RUSC1: variants seen among roughly 807,000 people sequenced by gnomAD.
The protein encoded by RUSC1 is AP-4 complex accessory subunit RUSC1.
RUSC1 carries 40 observed loss-of-function variants against 72.1 expected under a neutral mutation model. That is an observed-to-expected ratio of 0.55 (90% CI 0.43 to 0.72). RUSC1 has a LOEUF of 0.72. Among genes scored for constraint, RUSC1 ranks in the 30% least tolerant of loss-of-function variants. The probability of loss-of-function intolerance (pLI) is 0.00; values close to 1 mark genes in which losing one functional copy is unlikely to be tolerated. For missense variants in RUSC1, 1,092 were observed against 1,172.3 expected (o/e 0.93, Z 1.00); for synonymous variants, 512 against 494.2 (o/e 1.04, Z -0.48).
intron 1 of RUSC1, 51 bp from the exon 2 acceptor site, chr1:155,321,637 C>G (rs1390355914): frequency 7.7e-7 from 1 of 1,301,024 alleles, no homozygotes; most frequent in Non-Finnish European, 1.1e-6. Context: ...CGGTGTCCTT[C>G]CCCGCAGCTC....
intron 2 of RUSC1, 183 bp from the exon 3 acceptor site, chr1:155,324,662 C>T: frequency 6.5e-7 from 1 of 1,530,410 alleles, no homozygotes. Flanking sequence ...GGGAAGTGTG[C>T]GAGATTTCAC....
rs776195100 is a variant in RUSC1, at chr1:155,322,161, G to A, written c.388G>A (p.Glu130Lys). ...CTACTTGCGGGACCTCCCTGGTGAT[G>A]AGGATGCCCACCCTCAGCCCAGTAT... Reference protein sequence around the residue: ...SVYLRDLPGDEDAHPQPSIIP... With the variant: ...SVYLRDLPGDKDAHPQPSIIP... The change falls in exon 2 of 10, where the codon GAG (glutamate) becomes AAG (lysine). Residue 130 changes from glutamate to lysine, a missense_variant. Physicochemically the swap from Glu to Lys is moderately conservative, Grantham distance 56. Transcript: ENST00000368352. The A allele has an allele frequency of 3.4e-5, 54 of 1,601,034 alleles. No individual in the cohort carries two copies. The highest frequency in any genetic ancestry group is 4.4e-5 in the Non-Finnish European group (51 of 1,171,654).
intron 2 of RUSC1, chr1:155,324,536 A>G (rs758288698): frequency 1.2e-5 from 19 of 1,593,896 alleles, no homozygotes; most frequent in Non-Finnish European, 1.4e-5. Flanking sequence ...CTAGCAGGGC[A>G]GGCGGGAGGT....
intron 3 of RUSC1, 50 bp downstream of exon 3, chr1:155,324,993 G>A (rs763020045): frequency 6.2e-7 from 1 of 1,613,770 alleles, no homozygotes; most frequent in Non-Finnish European, 8.5e-7. Context: ...ACTGCCCTTC[G>A]CCCCCGGCCC....
chr1:155,322,815 C>T lies in RUSC1; in HGVS notation c.1042C>T (p.Pro348Ser). Residue 348 changes from proline to serine, a missense_variant, in exon 2 of 10, where the codon CCC (proline) becomes TCC (serine). By Grantham distance (74) the Pro-to-Ser change is moderately conservative (BLOSUM62 -1). Transcript: ENST00000368352. ...CAGTGACTGGCTCATAGTCTTCTCG[C>T]CCGACACCGAGCTCCCCCCCTCGGG... The part of the protein sequence containing the change: ...DRSDWLIVFS[P>S]DTELPPSGSP... 4 of 1,613,886 alleles carry T rather than the reference C, an allele frequency of 2.5e-6. No homozygotes were observed. Among genetic ancestry groups the T allele is most frequent in the Non-Finnish European group, 3.4e-6 (4 of 1,179,952 alleles).
chr1:155,321,869 A>G lies in RUSC1; in HGVS notation c.96A>G (p.Leu32=), dbSNP rs1156439056. 3.7e-6 allele frequency: 6 copies of G among 1,613,480 alleles called. No homozygotes were observed. The highest frequency in any genetic ancestry group is 2.2e-5 in the East Asian group (1 of 44,892). The change falls in exon 2 of 10, where the codon CTA becomes CTG. Residue 32 remains leucine (L), a synonymous_variant. Coordinates refer to ENST00000368352, the MANE Select transcript of RUSC1 (RefSeq NM_001105203.2). The part of the protein sequence containing the change: ...LGLHLSRRPE[L]QEGPLSTPPP... Reference sequence around the variant, plus strand: ...TGCACTTGTCCCGCCGTCCTGAGCTACAGGAGGGGCCTTTGAGCACACCCC... The same window carrying G: ...TGCACTTGTCCCGCCGTCCTGAGCTGCAGGAGGGGCCTTTGAGCACACCCC...
At chr1:155,330,340 C>G in intron 9 of RUSC1, 63 bp from the exon 10 acceptor site, 1 of 1,568,904 alleles carries the variant, frequency 6.4e-7, no homozygotes, top group Non-Finnish European at 8.7e-7. Context: ...AGAGGTGACG[C>G]CTGGGGACGG....
At chr1:155,329,372 CACT>C (rs1325200163) in intron 9 of RUSC1, among the ~76,000 whole-genome samples, 2 of 149,680 alleles carry the variant, frequency 1.3e-5, no homozygotes, top group East Asian at 4.0e-4. Flanking sequence ...AGGTGGGAGC[CACT>C]ACACCTGGCT....
At position 155,321,880 on chromosome 1, in the gene RUSC1, CT is replaced by C; in HGVS notation, c.110del (p.Leu37Ter). 6.2e-7 allele frequency: 1 copy of C among 1,613,258 alleles called. No individual in the cohort carries two copies. On this transcript the variant is annotated frameshift_variant, in exon 2 of 10. Transcript: ENST00000368352. LOFTEE classifies it high-confidence loss of function. Reference protein sequence around the residue: ...LSRRPELQEGPLSTPPPPGDT... With the variant: ...LSRRPELQEGXLSTPPPPGDT... The stretch of plus-strand genomic sequence containing the variant: ...CGCCGTCCTGAGCTACAGGAGGGGC[CT>C]TTGAGCACACCCCCTCCTCCAGGAG...
chr1:155,323,837 G>T, intron 2 of RUSC1: 2 of 852,346 alleles, frequency 2.3e-6, no homozygotes, highest in Non-Finnish European at 2.8e-6. Context: ...GGCTAGCCCC[G>T]CGGGCCACGC....
intron 9 of RUSC1, 151 bp from the exon 10 acceptor site, chr1:155,330,252 C>T: frequency 1.3e-6 from 1 of 742,412 alleles, no homozygotes; most frequent in South Asian, 1.9e-5. Context: ...CAGATAGAAT[C>T]ACCAAGTTGA....
rs1650586893 is a variant in RUSC1, at chr1:155,321,934, C to T, written c.161C>T (p.Pro54Leu). Residue 54 changes from proline (P) to leucine (L), a missense_variant, in exon 2 of 10, where the codon CCC becomes CTC. Pro to Leu is a moderately conservative substitution (Grantham distance 98). Coordinates refer to ENST00000368352, the MANE Select transcript of RUSC1 (RefSeq NM_001105203.2). ...ACTGGGGGCAAGGAGAGCAGGGGCC[C>T]CTGCAGTGGCACCCTGGTGGACGCC... ...GDTGGKESRGPCSGTLVDANS... is the reference protein window; with the variant it reads ...GDTGGKESRGLCSGTLVDANS... 6.2e-7 allele frequency: 1 copy of T among 1,604,492 alleles called. No individual in the cohort carries two copies. The highest frequency in any genetic ancestry group is 8.5e-7 in the Non-Finnish European group (1 of 1,175,576).
At chr1:155,321,054 CAAGGGAGCAGGAG>C in intron 1 of RUSC1, 63 bp downstream of exon 1, 1 of 1,447,012 alleles carries the variant, frequency 6.9e-7, no homozygotes, top group Non-Finnish European at 9.3e-7. Context: ...CGGGGCAGGA[CAAGGGAGCAGGAG>C]AAATGAATAG....
chr1:155,324,129 T>G, intron 2 of RUSC1: 1 of 1,261,864 alleles, frequency 7.9e-7, no homozygotes, highest in Non-Finnish European at 1.0e-6. Context: ...TGTTAGGGGC[T>G]TTGGGTCACA....
rs1373859590 is a variant in RUSC1 at position 155,326,127 on chromosome 1, T to C, written c.1861+217T>C. 9.8e-6 allele frequency: 6 copies of C among 610,812 alleles called. No homozygotes were observed. The highest frequency in any genetic ancestry group is 1.4e-5 in the Non-Finnish European group (5 of 346,808). The allele number at this position is 610,812 out of a possible 1,614,324, so 37.8% of individuals were successfully genotyped here. A position where few individuals can be genotyped will look rare whatever the true frequency, so the allele number is the denominator to read the frequency against. ...TGGCCTCTGCCCTCTTCCCCTGCCT[T>C]GGAGGGTCTTGCCAACAGTCTTCCC... is the stretch of plus-strand genomic sequence containing the variant. On this transcript the variant is annotated intron_variant, in intron 7 of 9. Transcript: ENST00000368352. The surrounding 1 kb of genome is among the most constrained non-coding windows in gnomAD (Gnocchi z 4.7).
chr1:155,321,130 C>T (rs1399402972), intron 1 of RUSC1, 139 bp downstream of exon 1: 1 of 1,381,616 alleles, frequency 7.2e-7, no homozygotes, highest in Non-Finnish European at 9.7e-7. Context: ...AGAGAATGGA[C>T]ATACCGCTGT....
Position 155,326,499 on chromosome 1 carries a change from G to A in RUSC1, c.1862-81G>A. 7.2e-7 allele frequency: 1 copy of A among 1,394,554 alleles called. No individual in the cohort carries two copies. Among genetic ancestry groups the A allele is most frequent in the Non-Finnish European group, 9.8e-7 (1 of 1,016,966 alleles). 86.4% of individuals were successfully genotyped at this position (1,394,554 alleles called of 1,614,324 possible). A position where few individuals can be genotyped will look rare whatever the true frequency, so the allele number is the denominator to read the frequency against. On this transcript the variant is annotated intron_variant, in intron 7 of 9. Transcript: ENST00000368352. The surrounding 1 kb of genome is among the most constrained non-coding windows in gnomAD (Gnocchi z 4.7). ...AGCAGAGTGAGGCCTGGGAAGATGT[G>A]TGCTGACTGGTGGGCTGCTCTGGGG...
In RUSC1 at chr1:155,322,279, G is replaced by A; in HGVS notation, c.506G>A (p.Gly169Glu). 1 of 1,611,862 alleles carries A rather than the reference G, an allele frequency of 6.2e-7. No individual in the cohort carries two copies. The highest frequency in any genetic ancestry group is 1.3e-5 in the African/African-American group (1 of 74,972). Residue 169 changes from glycine (G) to glutamate (E), a missense_variant, in exon 2 of 10, where the codon GGA (glycine) becomes GAA (glutamate). Physicochemically the swap from Gly to Glu is moderately conservative, Grantham distance 98 (BLOSUM62 -2). Coordinates refer to ENST00000368352, the MANE Select transcript of RUSC1 (RefSeq NM_001105203.2). The stretch of plus-strand genomic sequence containing the variant: ...TGCTGCTCTCCTGATTCCTGCTCCG[G>A]AGCTTCTTCTTCACCCGATCCTGGC... ...SFCCSPDSCS[G>E]ASSSPDPGLD...
rs1650778413 is a variant in RUSC1, at chr1:155,323,023, T to C, written c.1250T>C (p.Leu417Pro). The C allele has an allele frequency of 7.6e-7, 1 of 1,319,020 alleles. No individual in the cohort carries two copies. Among genetic ancestry groups the C allele is most frequent in the Middle Eastern group, 2.8e-4 (1 of 3,614 alleles). 81.7% of individuals were successfully genotyped at this position (1,319,020 alleles called of 1,614,324 possible). A position where few individuals can be genotyped will look rare whatever the true frequency, so the allele number is the denominator to read the frequency against. Residue 417 changes from leucine to proline, a missense_variant, in exon 2 of 10, where the codon CTG (leucine) becomes CCG (proline). Physicochemically the swap from Leu to Pro is moderately conservative, Grantham distance 98 (BLOSUM62 -3). Coordinates refer to ENST00000368352, the MANE Select transcript of RUSC1 (RefSeq NM_001105203.2). The part of the protein sequence containing the change: ...PPRRKKNRPG[L>P]QPIAEGQSEE... ...CGAAGGAAGAAGAACCGACCTGGAC[T>C]GCAGCCCATAGCGGAGGGGCAGTCC...
Sources: gnomAD v4.1 joint callset for allele counts (sites outside exome capture counted in the v4.1 genomes callset) on GRCh38, gnomAD v4.1.1 for gene constraint, Gnocchi (gnomAD v3.1) non-coding constraint, MANE v1.5 for transcripts, NCBI Gene and HGNC (gene_info 2026-07-23, HGNC 2026-07-21) for gene names.